The following MALRD1 variants were observed in gnomAD, a reference collection of about 807,000 sequenced individuals.
MALRD1 encodes MAM and LDL-receptor class A domain-containing protein 1.
MALRD1 carries 247 observed loss-of-function variants against 242.1 expected under a neutral mutation model. That is an observed-to-expected ratio of 1.02 (90% CI 0.92 to 1.13). MALRD1 has a LOEUF of 1.13. MALRD1 is among the 50% of genes most tolerant of loss of function. The pLI is 0.00. For synonymous variants in MALRD1, 995 were observed against 866.6 expected, an observed-to-expected ratio of 1.15 and a Z score of -2.60; for missense variants, 2,989 against 2,533.1, an observed-to-expected ratio of 1.18 and a Z score of -3.86.
At chr10:19,222,752 T>A (rs374232242) in intron 18 of MALRD1, among the ~76,000 whole-genome samples, 3 of 149,412 alleles carry the variant, frequency 2.0e-5, no homozygotes, top group African/African-American at 7.7e-5. Context: ...TCTCTGCAAG[T>A]TTTTTTTTGT....
intron 2 of MALRD1, among the ~76,000 whole-genome samples, chr10:19,067,884 G>A (rs1281217045): frequency 1.3e-5 from 2 of 152,078 alleles, no homozygotes; most frequent in Non-Finnish European, 2.9e-5. Context: ...ATAAGATGGA[G>A]TTTCTTAATT....
At chr10:19,104,829 A>G (rs1158735543) in intron 5 of MALRD1, among the ~76,000 whole-genome samples, 1 of 152,116 alleles carries the variant, frequency 6.6e-6, no homozygotes, top group East Asian at 1.9e-4. Context: ...AGATGTCTTC[A>G]TCTACTTAAG....
intron 21 of MALRD1, among the ~76,000 whole-genome samples, chr10:19,311,229 C>A (rs1362923377): frequency 1.3e-5 from 2 of 151,290 alleles, no homozygotes; most frequent in Non-Finnish European, 3.0e-5. Flanking sequence ...TTAACTCATG[C>A]ACAGATATGT....
chr10:19,730,573 T>TAATA (rs1347741919), intron 38 of MALRD1, 133 bp from the exon 39 acceptor site: 1 of 915,132 alleles, frequency 1.1e-6, no homozygotes, highest in Admixed American at 2.0e-5. Flanking sequence ...TTACTTATGG[T>TAATA]AATACATTCA....
intron 11 of MALRD1, among the ~76,000 whole-genome samples, chr10:19,149,042 A>G (rs1044323335): frequency 6.6e-6 from 1 of 151,960 alleles, no homozygotes; most frequent in African/African-American, 2.4e-5. Context: ...AGCCTTAAAC[A>G]TATAGATTGC....
intron 28 of MALRD1, among the ~76,000 whole-genome samples, chr10:19,444,899 A>G (rs922349837): frequency 2.0e-5 from 3 of 152,096 alleles, no homozygotes; most frequent in Admixed American, 6.5e-5. Flanking sequence ...CCTGCAGAGT[A>G]TTTTCCAACT....
At chr10:19,164,242 A>T (rs60970424) in intron 12 of MALRD1, among the ~76,000 whole-genome samples, 46,732 of 152,022 alleles carry the variant, frequency 0.31, 7,528 homozygotes, top group Admixed American at 0.39. Flanking sequence ...ATGTGTACCA[A>T]ATAGAATGCT....
intron 38 of MALRD1, chr10:19,710,416 A>G (rs1028994153): frequency 6.6e-6 from 1 of 152,214 alleles, no homozygotes; most frequent in Non-Finnish European, 1.5e-5. Flanking sequence ...TGTAACTAAT[A>G]TCTCATATTT....
At chr10:19,447,860 T>TA (rs1835087501) in intron 28 of MALRD1, among the ~76,000 whole-genome samples, 1 of 152,178 alleles carries the variant, frequency 6.6e-6, no homozygotes, top group African/African-American at 2.4e-5. Flanking sequence ...ATCAAAAAGA[T>TA]ACGAAATTCC....
chr10:19,186,826 C>T (rs1835755766), intron 14 of MALRD1, among the ~76,000 whole-genome samples: 1 of 152,114 alleles, frequency 6.6e-6, no homozygotes, highest in South Asian at 2.1e-4. Context: ...TCTCTTTTCT[C>T]ACATGCCACT....
At chr10:19,119,285 C>T (rs1363841465) in intron 5 of MALRD1, among the ~76,000 whole-genome samples, 1 of 152,290 alleles carries the variant, frequency 6.6e-6, no homozygotes, top group East Asian at 1.9e-4. Context: ...GTAGTAACCG[C>T]CCAAGGGGTT....
chr10:19,114,208 C>G (rs150908307), intron 5 of MALRD1, among the ~76,000 whole-genome samples: 1,679 of 152,160 alleles, frequency 0.011, 10 homozygotes, highest in Non-Finnish European at 0.017. Flanking sequence ...TATAATGAGG[C>G]TTTATTGAAG....
In MALRD1 at chr10:19,555,092, G is replaced by A. The variant is rs529725194; in HGVS notation, c.5479-12410G>A. Reference sequence around the variant, plus strand: ...ATTTTAATAATCGCCATTCTGACTGGCATGAGATGATATCTCATTGTGTTT... The same window carrying A: ...ATTTTAATAATCGCCATTCTGACTGACATGAGATGATATCTCATTGTGTTT... On this transcript the variant is annotated intron_variant, in intron 32 of 39. Coordinates refer to ENST00000454679, the MANE Select transcript of MALRD1 (RefSeq NM_001142308.3). Among the ~76,000 whole-genome samples, 315 of 152,168 alleles carry A rather than the reference G, an allele frequency of 2.1e-3. 2 individuals carry two copies. The highest frequency in any genetic ancestry group is 6.2e-3 in the African/African-American group (258 of 41,510).
At chr10:19,298,052 A>T (rs1370535337) in intron 21 of MALRD1, among the ~76,000 whole-genome samples, 1 of 152,022 alleles carries the variant, frequency 6.6e-6, no homozygotes, top group Admixed American at 6.6e-5. Flanking sequence ...TATATAAATG[A>T]AACAGGTTTA....
intron 36 of MALRD1, among the ~76,000 whole-genome samples, chr10:19,631,804 T>C (rs1260282634): frequency 1.3e-5 from 2 of 152,192 alleles, no homozygotes; most frequent in Admixed American, 6.6e-5. Flanking sequence ...GAAAAGTGTG[T>C]TCATGTCATT....
chr10:19,664,416 CAGG>C (rs1179540176), intron 36 of MALRD1, among the ~76,000 whole-genome samples: 11 of 151,910 alleles, frequency 7.2e-5, no homozygotes, highest in Admixed American at 6.6e-4. Flanking sequence ...CGGGCAGGCT[CAGG>C]AGATCTCTTT....
chr10:19,486,981 A>G (rs907400830), intron 29 of MALRD1, among the ~76,000 whole-genome samples: 2 of 152,034 alleles, frequency 1.3e-5, no homozygotes, highest in African/African-American at 4.8e-5. Context: ...TGGCTGCATT[A>G]TTTTCCACGG....
chr10:19,255,661 G>T (rs1452862558), intron 18 of MALRD1, among the ~76,000 whole-genome samples: 1 of 151,972 alleles, frequency 6.6e-6, no homozygotes, highest in South Asian at 2.1e-4. Context: ...TAATTCTCAA[G>T]AATGCTAACA....
At chr10:19,726,977 T>G (rs769267734) in intron 38 of MALRD1, among the ~76,000 whole-genome samples, 45 of 152,192 alleles carry the variant, frequency 3.0e-4, no homozygotes, top group South Asian at 4.1e-4. Context: ...GCCATGGAGC[T>G]TCAGTTCAGA....
Sources: gnomAD v4.1 joint callset for allele counts (sites outside exome capture counted in the v4.1 genomes callset) on GRCh38, gnomAD v4.1.1 for gene constraint, MANE v1.5 for transcripts, NCBI Gene and HGNC (gene_info 2026-07-23, HGNC 2026-07-21) for gene names.